Variants in VARS2 observed in about 807,000 individuals in gnomAD.
VARS2 encodes the protein valyl-tRNA synthetase 2, mitochondrial.
A neutral mutation model predicts 154.1 loss-of-function variants in VARS2; 105 were observed. The observed-to-expected ratio is 0.68, with a 90% CI of 0.58 to 0.80. The LOEUF (loss-of-function observed/expected upper bound fraction) is 0.80, where lower values mean the gene tolerates loss of function less well. VARS2 is among the 30% of genes least tolerant of loss of function. The probability of loss-of-function intolerance (pLI) is 0.00; values close to 1 mark genes in which losing one functional copy is unlikely to be tolerated. For missense variants in VARS2, 1,157 were observed against 1,361.4 expected (o/e 0.85, Z 2.36); for synonymous variants, 483 against 539.5 (o/e 0.90, Z 1.45).
chr6:30,925,136 G>A, intron 26 of VARS2, 138 bp from the exon 27 acceptor site: 1 of 526,466 alleles, frequency 1.9e-6, no homozygotes. Context: ...CCTTGAGATA[G>A]TGGATTTTCT....
At position 30,915,977 on chromosome 6, in the gene VARS2, G is replaced by T; in HGVS notation, c.507-4G>T. ...GGGCTCACAGGAGGGCATTTTTGTTGCAGGCACCGGATGCGTGGGGATCAA... is the reference window on the plus strand; with the variant it reads ...GGGCTCACAGGAGGGCATTTTTGTTTCAGGCACCGGATGCGTGGGGATCAA... On this transcript the variant is annotated splice_polypyrimidine_tract_variant and splice_region_variant and intron_variant, in intron 5 of 29. Coordinates refer to ENST00000676266, the MANE Select transcript of VARS2 (RefSeq NM_020442.6). 2 of 1,614,054 alleles carry T rather than the reference G, an allele frequency of 1.2e-6. No individual in the cohort carries two copies. Among genetic ancestry groups the T allele is most frequent in the Non-Finnish European group, 1.7e-6 (2 of 1,179,908 alleles).
Position 30,914,301 on chromosome 6 carries a change from C to A in VARS2, c.-71C>A, listed in dbSNP as rs1204687781. On this transcript the variant is annotated 5_prime_UTR_variant, in exon 1 of 30. Transcript: ENST00000676266. Reference sequence around the variant, plus strand: ...GGTCGGGTTTGGTGGATTCCTCAGTCCCTGCCGCCGCGGGGCGCCCTGGGA... The same window carrying A: ...GGTCGGGTTTGGTGGATTCCTCAGTACCTGCCGCCGCGGGGCGCCCTGGGA... 6 of 1,098,050 alleles carry A rather than the reference C, an allele frequency of 5.5e-6. No homozygotes were observed. Among genetic ancestry groups the A allele is most frequent in the Non-Finnish European group, 5.8e-6 (5 of 862,116 alleles). The allele number at this position is 1,098,050 out of a possible 1,614,324, so 68.0% of individuals were successfully genotyped here.
rs1794143705 is a variant in VARS2 at position 30,916,034 on chromosome 6, G to A, written c.560G>A (p.Gly187Glu). 1 of 1,613,994 alleles carries A rather than the reference G, an allele frequency of 6.2e-7. No individual in the cohort carries two copies. Among genetic ancestry groups the A allele is most frequent in the Non-Finnish European group, 8.5e-7 (1 of 1,179,898 alleles). ...TGGGTCCCTGGTTCAGATCATGCAG[G>A]AATTGCTACACAAGTATGTCTTTTG... The part of the protein sequence containing the change: ...VLWVPGSDHA[G>E]IATQAVVEKQ... The change falls in exon 6 of 30, where the codon GGA becomes GAA. Residue 187 changes from glycine (G) to glutamate (E), a missense_variant. Physicochemically the swap from Gly to Glu is moderately conservative, Grantham distance 98. Coordinates refer to ENST00000676266, the MANE Select transcript of VARS2 (RefSeq NM_020442.6). This position sits in a 1 kb window ranked among gnomAD's most constrained non-coding sequence, Gnocchi z 4.0.
chr6:30,916,476 G>GTGTTTTTATA lies in VARS2; in HGVS notation c.671+228_671+229insGTTTTTATAT. The stretch of plus-strand genomic sequence containing the variant: ...TTCGTGTGTGTGTGTGTGTGTGTGT[G>GTGTTTTTATA]TATTTATATATATATATATATTTTC... On this transcript the variant is annotated intron_variant, in intron 7 of 29. Transcript: ENST00000676266. This position sits in a 1 kb window ranked among gnomAD's most constrained non-coding sequence, Gnocchi z 4.0. The GTGTTTTTATA allele has an allele frequency of 3.1e-6, 1 of 321,520 alleles. No individual in the cohort carries two copies. 19.9% of individuals were successfully genotyped at this position (321,520 alleles called of 1,614,324 possible). A position where few individuals can be genotyped will look rare whatever the true frequency, so the allele number is the denominator to read the frequency against.
rs1794584016 is a variant in VARS2 at position 30,922,473 on chromosome 6, G to A, written c.1956G>A (p.Arg652=). 1 of 1,602,140 alleles carries A rather than the reference G, an allele frequency of 6.2e-7. No individual in the cohort carries two copies. The highest frequency in any genetic ancestry group is 8.5e-7 in the Non-Finnish European group (1 of 1,175,088). Residue 652 remains arginine (R), a synonymous_variant, in exon 21 of 30, where the codon CGG becomes CGA. Transcript: ENST00000676266. The part of the protein sequence containing the change: ...FSKVLLHPMV[R]DRQGRKMSKS... ...AGGTGCTTCTTCATCCCATGGTTCG[G>A]GACAGGCAGGGCCGGAAGATGAGCA... is the stretch of plus-strand genomic sequence containing the variant.
chr6:30,918,967 C>T, intron 11 of VARS2, 52 bp downstream of exon 11: 2 of 1,537,428 alleles, frequency 1.3e-6, no homozygotes, highest in Non-Finnish European at 1.8e-6. Context: ...ATGGCCTTCT[C>T]TTCTCTTGGG....
In VARS2 at chr6:30,917,364, C is replaced by T. The variant is rs568532409; in HGVS notation, c.873+140C>T. On this transcript the variant is annotated intron_variant, in intron 9 of 29. Transcript: ENST00000676266. The surrounding 1 kb of genome is among the most constrained non-coding windows in gnomAD (Gnocchi z 4.4). ...TACAGCTGTGTGGCTTTTGGCAGGC[C>T]GTTTAGTCTCTTTAAGCCTCAGCTT... The T allele has an allele frequency of 2.7e-5, 36 of 1,331,046 alleles. 1 individual carries two copies. Among genetic ancestry groups the T allele is most frequent in the South Asian group, 2.2e-4 (17 of 77,836 alleles). The allele number at this position is 1,331,046 out of a possible 1,614,324, so 82.5% of individuals were successfully genotyped here.
rs1343852500 is a variant in VARS2 at position 30,920,124 on chromosome 6, G to A, written c.1201G>A (p.Asp401Asn). Residue 401 changes from aspartate (D) to asparagine (N), a missense_variant, in exon 13 of 30, where the codon GAT becomes AAT. By Grantham distance (23) the Asp-to-Asn change is conservative (BLOSUM62 1). Coordinates refer to ENST00000676266, the MANE Select transcript of VARS2 (RefSeq NM_020442.6). The surrounding 1 kb of genome is among the most constrained non-coding windows in gnomAD (Gnocchi z 4.6). Reference sequence around the variant, plus strand: ...GGTGACTCCAGCTCACAGTCCTGCCGATGCTGAGATGGGGGCCCGACATGG... The same window carrying A: ...GGTGACTCCAGCTCACAGTCCTGCCAATGCTGAGATGGGGGCCCGACATGG... ...VKVTPAHSPA[D>N]AEMGARHGLS... 4 of 1,580,834 alleles carry A rather than the reference G, an allele frequency of 2.5e-6. No individual in the cohort carries two copies. Among genetic ancestry groups the A allele is most frequent in the African/African-American group, 1.4e-5 (1 of 73,976 alleles).
intron 10 of VARS2, among the ~76,000 whole-genome samples, 198 bp downstream of exon 10, chr6:30,918,004 G>A (rs937751606): frequency 2.0e-5 from 3 of 152,208 alleles, no homozygotes; most frequent in Non-Finnish European, 4.4e-5. Context: ...TGAGAGTGTG[G>A]TGTGATTCTT....
Position 30,917,802 on chromosome 6 carries a change from G to T in VARS2, c.981G>T (p.Glu327Asp). Reference protein sequence around the residue: ...LFSVAFPVDGEPDAEVVVGTT... With the variant: ...LFSVAFPVDGDPDAEVVVGTT... ...CTGTTGCCTTCCCCGTGGATGGAGA[G>T]CCTGGTGAGCATAGTACTCTGCAGG... Residue 327 changes from glutamate to aspartate, a missense_variant, in exon 10 of 30, where the codon GAG becomes GAT. Glu to Asp is a conservative substitution (Grantham distance 45, BLOSUM62 2). Transcript: ENST00000676266. This position sits in a 1 kb window ranked among gnomAD's most constrained non-coding sequence, Gnocchi z 4.4. 11 of 1,554,458 alleles carry T rather than the reference G, an allele frequency of 7.1e-6. No homozygotes were observed. In the South Asian group the frequency reaches 1.3e-4, roughly 18 times the overall value.
rs752647168 is a variant in VARS2 at position 30,921,072 on chromosome 6, A to G, written c.1487A>G (p.Glu496Gly). The part of the protein sequence containing the change: ...EMGARAAKAV[E>G]SGALELSPSF... ...AGTCCCCTTTCTCTCCAGGCTGTGG[A>G]GTCGGGGGCCCTGGAGCTCAGTCCC... The change falls in exon 16 of 30, where the codon GAG becomes GGG. Residue 496 changes from glutamate to glycine, a missense_variant. By Grantham distance (98) the Glu-to-Gly change is moderately conservative. Coordinates refer to ENST00000676266, the MANE Select transcript of VARS2 (RefSeq NM_020442.6). This position sits in a 1 kb window ranked among gnomAD's most constrained non-coding sequence, Gnocchi z 4.6. The G allele has an allele frequency of 1.9e-6, 3 of 1,612,150 alleles. No individual in the cohort carries two copies. In the African/African-American group the frequency reaches 4.0e-5, roughly 22 times the overall value.
Position 30,920,610 on chromosome 6 carries a change from C to G in VARS2, c.1398-58C>G, listed in dbSNP as rs529986792. On this transcript the variant is annotated intron_variant, in intron 14 of 29. Transcript: ENST00000676266. This position sits in a 1 kb window ranked among gnomAD's most constrained non-coding sequence, Gnocchi z 4.6. ...GCCTGGCATGGCATGGGGTCTTGTG[C>G]CCCTGGGAGAAGTCACAGGGCCGGA... 1.4e-3 allele frequency: 1,940 copies of G among 1,424,278 alleles called. 2 individuals are homozygous for G. The highest frequency in any genetic ancestry group is 1.8e-3 in the Non-Finnish European group (1,890 of 1,054,726). 88.2% of individuals were successfully genotyped at this position (1,424,278 alleles called of 1,614,324 possible). A position where few individuals can be genotyped will look rare whatever the true frequency, so the allele number is the denominator to read the frequency against.
chr6:30,924,567 C>A lies in VARS2; in HGVS notation c.2673+7C>A. On this transcript the variant is annotated splice_region_variant and intron_variant, in intron 26 of 29. Transcript: ENST00000676266. ...CCCCAGCGCCTGCAGCTTGGTGAGT[C>A]CCAAGCACCTTGGAGTGGGTCTGTG... 1 of 1,506,154 alleles carries A rather than the reference C, an allele frequency of 6.6e-7. No individual in the cohort carries two copies. Among genetic ancestry groups the A allele is most frequent in the Non-Finnish European group, 8.9e-7 (1 of 1,118,844 alleles). The allele number at this position is 1,506,154 out of a possible 1,614,324, so 93.3% of individuals were successfully genotyped here.
chr6:30,915,604 C>G, intron 4 of VARS2, 142 bp from the exon 5 acceptor site: 1 of 1,481,598 alleles, frequency 6.7e-7, no homozygotes. Context: ...CAGGTTCCCC[C>G]TGGCCAATTC....
chr6:30,922,070 A>AG, intron 19 of VARS2, 46 bp from the exon 20 acceptor site: 3 of 1,611,582 alleles, frequency 1.9e-6, no homozygotes, highest in Non-Finnish European at 2.5e-6. Flanking sequence ...CAGAGGCTTG[A>AG]GGGGGGCCTG....
In VARS2 at chr6:30,924,518, C is replaced by T. The variant is rs1252990463; in HGVS notation, c.2631C>T (p.Ala877=). ...CCCCCAGGCCTGGTTGCCCCCCTGC[C>T]CCCAGCATCTCGGTTGCCCCCTACC... is the stretch of plus-strand genomic sequence containing the variant. The part of the protein sequence containing the change: ...RLPPRPGCPP[A]PSISVAPYPS... The change falls in exon 26 of 30, where the codon GCC becomes GCT. Residue 877 remains alanine, a synonymous_variant. Transcript: ENST00000676266. The T allele has an allele frequency of 2.5e-6, 4 of 1,587,442 alleles. No individual in the cohort carries two copies. Among genetic ancestry groups the T allele is most frequent in the South Asian group, 1.1e-5 (1 of 88,474 alleles).
At chr6:30,923,550 A>C in intron 25 of VARS2, 45 bp downstream of exon 25, 1 of 1,582,378 alleles carries the variant, frequency 6.3e-7, no homozygotes, top group Non-Finnish European at 8.6e-7. Flanking sequence ...GCCTGCTTCT[A>C]ATTCCTCTGG....
chr6:30,918,369 A>G (rs1367554172), intron 10 of VARS2, among the ~76,000 whole-genome samples: 4 of 152,136 alleles, frequency 2.6e-5, no homozygotes, highest in Non-Finnish European at 1.5e-5. Flanking sequence ...CCTGGCCTCT[A>G]AGGTGTGGTT....
In VARS2 at chr6:30,921,620, C is replaced by G. The variant is rs1794517311; in HGVS notation, c.1664C>G (p.Ser555Ter). ...GAGGACTGTTGGGTGGTTGGGCGGT[C>G]AGAGGCTGAGGCCAGAGAGGTAGCA... ...GEEDCWVVGR[S>*]EAEAREVAAE... Residue 555 changes from serine (S) to a stop codon, truncating the protein, a stop_gained, in exon 18 of 30, where the codon TCA (serine) becomes TGA (stop). Transcript: ENST00000676266. LOFTEE classifies it high-confidence loss of function. The surrounding 1 kb of genome is among the most constrained non-coding windows in gnomAD (Gnocchi z 4.6). 7 of 1,608,876 alleles carry G rather than the reference C, an allele frequency of 4.4e-6. No homozygotes were observed. Among genetic ancestry groups the G allele is most frequent in the Non-Finnish European group, 5.9e-6 (7 of 1,178,924 alleles).
Sources: allele counts gnomAD v4.1 joint callset (sites outside exome capture counted in the v4.1 genomes callset), GRCh38; gene constraint gnomAD v4.1.1; non-coding constraint Gnocchi (gnomAD v3.1); transcripts MANE v1.5; gene names NCBI Gene and HGNC (gene_info 2026-07-23, HGNC 2026-07-21).